GRIA2: variants seen among roughly 807,000 people sequenced by gnomAD.
The protein encoded by GRIA2 is glutamate receptor 2.
GRIA2 carries 14 observed loss-of-function variants against 97.3 expected under a neutral mutation model. The ratio of observed to expected loss-of-function variants is 0.14; its 90% confidence interval spans 0.10 to 0.23. The LOEUF is 0.23. GRIA2 is among the 10% of genes least tolerant of loss of function. The pLI is 1.00. For synonymous variants in GRIA2, 412 were observed against 387.8 expected (o/e 1.06, Z -0.73); for missense variants, 558 against 1,069.8 (o/e 0.52, Z 6.67).
intron 6 of GRIA2, among the ~76,000 whole-genome samples, chr4:157,331,266 C>T (rs1486836448): frequency 6.6e-6 from 1 of 151,854 alleles, no homozygotes; most frequent in Non-Finnish European, 1.5e-5. Flanking sequence ...GCTTTCAATT[C>T]TTTCAAGCTA....
intron 2 of GRIA2, among the ~76,000 whole-genome samples, chr4:157,222,152 C>T (rs1271829983): frequency 1.3e-5 from 2 of 152,160 alleles, no homozygotes; most frequent in African/African-American, 2.4e-5. Context: ...CCTCGCTCCC[C>T]ATCGAGCGCC....
chr4:157,326,367 A>G (rs985171747), intron 6 of GRIA2, among the ~76,000 whole-genome samples: 5 of 152,104 alleles, frequency 3.3e-5, no homozygotes, highest in African/African-American at 1.2e-4. Flanking sequence ...TCATTTATGT[A>G]TTCATTTCAC....
At chr4:157,234,467 T>TC (rs1368113274) in intron 2 of GRIA2, among the ~76,000 whole-genome samples, 2 of 151,698 alleles carry the variant, frequency 1.3e-5, no homozygotes, top group African/African-American at 2.4e-5. Flanking sequence ...CCACAAACCC[T>TC]CCCCCCACCA....
At chr4:157,225,839 A>AAT (rs949286509) in intron 2 of GRIA2, among the ~76,000 whole-genome samples, 84 of 151,878 alleles carry the variant, frequency 5.5e-4, no homozygotes, top group African/African-American at 1.8e-3. Context: ...CTTTCATATT[A>AAT]ATATATATAT....
intron 14 of GRIA2, 31 bp from the exon 15 acceptor site, chr4:157,362,768 C>T (rs1394393074): frequency 6.3e-7 from 1 of 1,587,834 alleles, no homozygotes; most frequent in Non-Finnish European, 8.6e-7. Context: ...GTTTGCCTTC[C>T]TAATAACCTC....
intron 12 of GRIA2, among the ~76,000 whole-genome samples, chr4:157,342,797 A>C (rs1426283870): frequency 1.3e-5 from 2 of 152,014 alleles, no homozygotes; most frequent in African/African-American, 4.8e-5. Context: ...ACTTGGTGCT[A>C]CTTATGTTGA....
chr4:157,324,379 C>T (rs1734715058), intron 6 of GRIA2, among the ~76,000 whole-genome samples: 1 of 152,136 alleles, frequency 6.6e-6, no homozygotes, highest in Admixed American at 6.5e-5. Context: ...TGTATGAATC[C>T]TGTCTTTGAG....
chr4:157,297,147 A>T (rs781275698), intron 2 of GRIA2, among the ~76,000 whole-genome samples: 1 of 152,138 alleles, frequency 6.6e-6, no homozygotes, highest in Non-Finnish European at 1.5e-5. Context: ...TAGTCAATAG[A>T]TGTTTAAGGA....
At chr4:157,291,912 A>G (rs1733122827) in intron 2 of GRIA2, among the ~76,000 whole-genome samples, 1 of 151,966 alleles carries the variant, frequency 6.6e-6, no homozygotes, top group Non-Finnish European at 1.5e-5. Flanking sequence ...AATATCTAAA[A>G]TAGAAAATAT....
At chr4:157,336,215 G>T (rs1446158188) in intron 10 of GRIA2, among the ~76,000 whole-genome samples, 162 bp from the exon 11 acceptor site, 2 of 151,950 alleles carry the variant, frequency 1.3e-5, no homozygotes, top group African/African-American at 4.8e-5. Flanking sequence ...GGCATTCGGG[G>T]AATAATTCCT....
chr4:157,303,891 C>T, intron 3 of GRIA2, 100 bp downstream of exon 3: 1 of 1,226,730 alleles, frequency 8.2e-7, no homozygotes, highest in Non-Finnish European at 1.2e-6. Context: ...TGATAAAGCC[C>T]AAGGATCCCT....
chr4:157,294,422 C>A (rs1579339396), intron 2 of GRIA2, among the ~76,000 whole-genome samples: 2 of 146,672 alleles, frequency 1.4e-5, no homozygotes, highest in Admixed American at 6.9e-5. Context: ...GGCATTAAGA[C>A]CAATGGTGGC....
At chr4:157,349,202 G>T (rs1052858766) in intron 12 of GRIA2, among the ~76,000 whole-genome samples, 67 of 152,062 alleles carry the variant, frequency 4.4e-4, no homozygotes, top group African/African-American at 1.5e-3. Flanking sequence ...AAAGTATCGT[G>T]GTCCTTGACT....
chr4:157,291,264 T>C (rs1733087896), intron 2 of GRIA2, among the ~76,000 whole-genome samples: 1 of 151,960 alleles, frequency 6.6e-6, no homozygotes, highest in African/African-American at 2.4e-5. Flanking sequence ...CCTTTCTCCC[T>C]CTCAATGGTT....
intron 3 of GRIA2, among the ~76,000 whole-genome samples, chr4:157,305,047 C>T (rs965999032): frequency 3.3e-5 from 5 of 152,084 alleles, no homozygotes; most frequent in East Asian, 1.9e-4. Flanking sequence ...AAACTAAAAC[C>T]GAGAATCATT....
Position 157,353,397 on chromosome 4 carries a change from G to A in GRIA2, c.2044-6499G>A, listed in dbSNP as rs191438377. Among the ~76,000 whole-genome samples the A allele has an allele frequency of 1.7e-3, 260 of 151,882 alleles. 2 individuals carry two copies. The highest frequency in any genetic ancestry group is 0.014 in the East Asian group (70 of 5,146). ...ACAAAACCTTATAGTTGGCCAGGGC[G>A]TGGTGGCTCACGCCTGTAATCCCAG... On this transcript the variant is annotated intron_variant, in intron 12 of 15. Transcript: ENST00000264426.
intron 2 of GRIA2, among the ~76,000 whole-genome samples, chr4:157,277,854 G>GTA (rs1170341777): frequency 8.7e-4 from 119 of 136,184 alleles, no homozygotes; most frequent in African/African-American, 3.1e-3. Flanking sequence ...ATGTATATAT[G>GTA]TATATATATG....
chr4:157,359,325 TAAAAGAAAACTTCA>T (rs1736533716), intron 12 of GRIA2, among the ~76,000 whole-genome samples: 1 of 152,330 alleles, frequency 6.6e-6, no homozygotes, highest in South Asian at 2.1e-4. Context: ...CCTGTTTAAT[TAAAAGAAAACTTCA>T]ATGGCCAAAG....
chr4:157,248,622 T>TACATATATATACATATATAC (rs1554006776), intron 2 of GRIA2, among the ~76,000 whole-genome samples: 1 of 76,548 alleles, frequency 1.3e-5, no homozygotes, highest in Non-Finnish European at 2.9e-5. Flanking sequence ...CATGTATATA[T>TACATATATATACATATATAC]ACGTATATAT....
Sources: gnomAD v4.1 joint callset for allele counts (sites outside exome capture counted in the v4.1 genomes callset) on GRCh38, gnomAD v4.1.1 for gene constraint, MANE v1.5 for transcripts, NCBI Gene and HGNC (gene_info 2026-07-23, HGNC 2026-07-21) for gene names.